Variants in ME3 observed in about 807,000 individuals in gnomAD.
The protein encoded by ME3 is NADP-dependent malic enzyme, mitochondrial.
A neutral mutation model predicts 68.9 loss-of-function variants in ME3; 48 were observed. The observed-to-expected ratio is 0.70, with a 90% confidence interval of 0.55 to 0.89. The LOEUF is 0.89. Among genes scored for constraint, ME3 ranks in the 40% least tolerant of loss-of-function variants. The pLI, the probability that ME3 is intolerant of heterozygous loss-of-function variation, is 0.00. For synonymous variants in ME3, 320 were observed against 318.8 expected (o/e 1.00, Z -0.04); for missense variants, 675 against 797.4 (o/e 0.85, Z 1.85).
At chr11:86,524,368 A>G (rs1448853506) in intron 4 of ME3, among the ~76,000 whole-genome samples, 4 of 152,244 alleles carry the variant, frequency 2.6e-5, no homozygotes, top group Non-Finnish European at 5.9e-5. Flanking sequence ...AAAACATCCT[A>G]TCTGCTTGTT....
At chr11:86,502,653 G>A (rs1407383835) in intron 5 of ME3, among the ~76,000 whole-genome samples, 2 of 152,194 alleles carry the variant, frequency 1.3e-5, no homozygotes, top group Non-Finnish European at 2.9e-5. Context: ...GCAAACCTGG[G>A]CAGCATCCTT....
chr11:86,453,409 C>T (rs902922658), intron 8 of ME3, among the ~76,000 whole-genome samples: 10 of 152,274 alleles, frequency 6.6e-5, no homozygotes, highest in African/African-American at 2.2e-4. Context: ...TTATTAGCTT[C>T]TTTACACTGC....
intron 2 of ME3, among the ~76,000 whole-genome samples, chr11:86,584,795 G>A (rs1565172813): frequency 6.6e-6 from 1 of 152,154 alleles, no homozygotes; most frequent in South Asian, 2.1e-4. Context: ...TTAGAGGTAG[G>A]AGGAAATGGG....
intron 7 of ME3, among the ~76,000 whole-genome samples, chr11:86,475,697 C>T (rs1188362916): frequency 2.6e-5 from 4 of 151,858 alleles, no homozygotes; most frequent in Non-Finnish European, 4.4e-5. Context: ...TCTCAGTTTC[C>T]TCATCTAAAA....
At chr11:86,592,306 A>G (rs1036187384) in intron 2 of ME3, among the ~76,000 whole-genome samples, 3 of 152,136 alleles carry the variant, frequency 2.0e-5, no homozygotes, top group Non-Finnish European at 4.4e-5. Context: ...AGTTCCCAAT[A>G]ACTCAGCTCT....
At chr11:86,487,339 G>A (rs750216599) in exon 7 of ME3, 1 of 1,613,568 alleles carries the variant, frequency 6.2e-7, no homozygotes. Flanking sequence ...CCACTTACTT[G>A]TCTGTCACAG....
At chr11:86,522,214 C>T (rs1954368857) in intron 4 of ME3, among the ~76,000 whole-genome samples, 1 of 151,582 alleles carries the variant, frequency 6.6e-6, no homozygotes, top group African/African-American at 2.4e-5. Flanking sequence ...TGCGTCATTG[C>T]ACTCCAGCCT....
chr11:86,662,375 G>A (rs1017089802), intron 2 of ME3, among the ~76,000 whole-genome samples: 1 of 152,134 alleles, frequency 6.6e-6, no homozygotes, highest in Non-Finnish European at 1.5e-5. Context: ...GATCACTTGA[G>A]GCCAGGAGTT....
At chr11:86,640,728 C>T (rs1938923) in intron 2 of ME3, among the ~76,000 whole-genome samples, 108,621 of 152,154 alleles carry the variant, frequency 0.71, 39,517 homozygotes, top group Non-Finnish European at 0.79. Flanking sequence ...CTATCTGCCA[C>T]GTTATACCTT....
intron 2 of ME3, among the ~76,000 whole-genome samples, chr11:86,587,728 G>A (rs1183051532): frequency 6.6e-6 from 1 of 152,164 alleles, no homozygotes; most frequent in Non-Finnish European, 1.5e-5. Flanking sequence ...GAGAAAACTG[G>A]TAGGACATAA....
chr11:86,556,209 T>C (rs1044421262), intron 4 of ME3, among the ~76,000 whole-genome samples: 1 of 152,230 alleles, frequency 6.6e-6, no homozygotes, highest in South Asian at 2.1e-4. Flanking sequence ...GCAGGAGAGC[T>C]GTTGGTACTT....
intron 6 of ME3, among the ~76,000 whole-genome samples, chr11:86,489,898 G>GT (rs1374078433): frequency 6.6e-6 from 1 of 151,908 alleles, no homozygotes; most frequent in African/African-American, 2.4e-5. Context: ...AGGTCTCATC[G>GT]TTTCCCCCAT....
intron 9 of ME3, 103 bp from the exon 10 acceptor site, chr11:86,450,105 A>T: frequency 9.7e-7 from 1 of 1,026,232 alleles, no homozygotes; most frequent in Non-Finnish European, 1.5e-6. Context: ...CCCCCACCTC[A>T]ATGACTCCCA....
chr11:86,504,380 CTTTTTTTTTTT>C (rs35899335), intron 5 of ME3, among the ~76,000 whole-genome samples: 4 of 77,406 alleles, frequency 5.2e-5, no homozygotes, highest in Admixed American at 1.5e-4. Flanking sequence ...CCTATACATT[CTTTTTTTTTTT>C]TTTTTTTTTT....
At chr11:86,465,400 G>T (rs1950426910) in intron 7 of ME3, among the ~76,000 whole-genome samples, 200 bp from the exon 8 acceptor site, 1 of 152,120 alleles carries the variant, frequency 6.6e-6, no homozygotes, top group African/African-American at 2.4e-5. Flanking sequence ...GATGAGGATG[G>T]GGAAGGGAGA....
At chr11:86,483,971 A>T (rs681333) in intron 7 of ME3, among the ~76,000 whole-genome samples, 43,952 of 152,110 alleles carry the variant, frequency 0.29, 6,846 homozygotes, top group Non-Finnish European at 0.33. Context: ...ACAGGGAAAG[A>T]GCGGGAAGAG....
intron 2 of ME3, among the ~76,000 whole-genome samples, chr11:86,646,751 C>G (rs1945043450): frequency 6.6e-6 from 1 of 152,088 alleles, no homozygotes. Context: ...ACATAATCAT[C>G]AGATTCACCA....
At chr11:86,460,973 C>A (rs1157412860) in intron 8 of ME3, among the ~76,000 whole-genome samples, 1 of 152,230 alleles carries the variant, frequency 6.6e-6, no homozygotes, top group Non-Finnish European at 1.5e-5. Context: ...CTGTGGGCCT[C>A]ATCTTCAGGT....
chr11:86,570,791 T>C (rs1373273873), intron 2 of ME3, among the ~76,000 whole-genome samples: 1 of 152,180 alleles, frequency 6.6e-6, no homozygotes, highest in Non-Finnish European at 1.5e-5. Context: ...GTTCTTGTTC[T>C]GGTTGGGAGA....
Sources: allele counts gnomAD v4.1 joint callset (sites outside exome capture counted in the v4.1 genomes callset), GRCh38; gene constraint gnomAD v4.1.1; transcripts MANE v1.5; gene names NCBI Gene and HGNC (gene_info 2026-07-23, HGNC 2026-07-21).